CDC14A: variants seen among roughly 807,000 people sequenced by gnomAD.
CDC14A encodes dual specificity protein phosphatase CDC14A.
In CDC14A, 53 loss-of-function variants were observed where a neutral mutation model predicts 74.4. The observed-to-expected ratio is 0.71, with a 90% CI of 0.57 to 0.89. CDC14A has a LOEUF of 0.89. Among genes scored for constraint, CDC14A ranks in the 40% least tolerant of loss-of-function variants. The pLI is 0.00. For synonymous variants in CDC14A, 247 were observed against 258.4 expected (o/e 0.96, Z 0.43); for missense variants, 646 against 713.7 (o/e 0.91, Z 1.08).
intron 2 of CDC14A, among the ~76,000 whole-genome samples, chr1:100,366,796 A>T (rs996658308): frequency 5.3e-5 from 8 of 152,240 alleles, no homozygotes; most frequent in Non-Finnish European, 1.2e-4. Flanking sequence ...GAATAAAAAG[A>T]TGGATGGACC....
intron 13 of CDC14A, among the ~76,000 whole-genome samples, chr1:100,496,357 A>T (rs74104805): frequency 2.6e-3 from 389 of 151,916 alleles, no homozygotes; most frequent in African/African-American, 9.1e-3. Flanking sequence ...TCTCCTTTTG[A>T]TCTAGTGATA....
chr1:100,374,502 C>G (rs947992701), intron 2 of CDC14A, among the ~76,000 whole-genome samples: 8 of 152,210 alleles, frequency 5.3e-5, no homozygotes. Context: ...GCCATTCTAA[C>G]TGGTGTGAGA....
At chr1:100,346,634 A>G (rs570337351) in intron 1 of CDC14A, among the ~76,000 whole-genome samples, 1 of 148,082 alleles carries the variant, frequency 6.8e-6, no homozygotes, top group South Asian at 2.1e-4. Context: ...TCTGTCTCAA[A>G]AAAAAAAAAA....
Position 100,397,031 on chromosome 1 carries a change from A to ATT in CDC14A, c.309+6220_309+6221dup, listed in dbSNP as rs200147704. ...ATAAACGTTCTTAAAACATTATGAG[A>ATT]TTTTTTTTTTTTTTAAAGCTCATCA... is the stretch of plus-strand genomic sequence containing the variant. On this transcript the variant is annotated intron_variant, in intron 4 of 15. Transcript: ENST00000336454. Among the ~76,000 whole-genome samples the ATT allele has an allele frequency of 1.0e-4, 15 of 146,718 alleles. No individual in the cohort carries two copies. The East Asian group carries it at 1.6e-3, about 16-fold the overall frequency.
At chr1:100,372,879 T>C (rs2100933659) in intron 2 of CDC14A, among the ~76,000 whole-genome samples, 1 of 152,348 alleles carries the variant, frequency 6.6e-6, no homozygotes, top group Admixed American at 6.5e-5. Flanking sequence ...ATTAGGGCCT[T>C]GCTTTGGATG....
intron 15 of CDC14A, among the ~76,000 whole-genome samples, chr1:100,502,829 G>A (rs993868459): frequency 3.3e-5 from 5 of 151,936 alleles, no homozygotes; most frequent in Admixed American, 2.0e-4. Context: ...CCTCCTCCTC[G>A]TCCCTCTTCT....
chr1:100,504,199 A>C (rs1649032046), intron 15 of CDC14A, among the ~76,000 whole-genome samples: 1 of 152,238 alleles, frequency 6.6e-6, no homozygotes, highest in Non-Finnish European at 1.5e-5. Context: ...AAAACTATAC[A>C]AATAAGTGAA....
chr1:100,515,025 T>C (rs191913268), intron 15 of CDC14A, among the ~76,000 whole-genome samples: 85 of 152,366 alleles, frequency 5.6e-4, no homozygotes, highest in Admixed American at 1.3e-3. Context: ...TTGTATATAG[T>C]TGGTAGTCCT....
At chr1:100,498,421 A>G (rs190641150) in intron 14 of CDC14A, among the ~76,000 whole-genome samples, 2 of 152,350 alleles carry the variant, frequency 1.3e-5, no homozygotes, top group Non-Finnish European at 2.9e-5. Context: ...CTCTTCTTCT[A>G]GAGAGTGAGC....
rs988791627 is a variant in CDC14A, at chr1:100,429,753, ATATT to A, written c.389+5453_389+5456del. Among the ~76,000 whole-genome samples the A allele has an allele frequency of 6.8e-5, 10 of 147,758 alleles. No individual in the cohort carries two copies. In the Admixed American group the frequency reaches 6.8e-4, roughly 10 times the overall value. ...ATATATATCAAGTATATTTATATAT[ATATT>A]ATATATATATCAAGTGTGTATATAT... On this transcript the variant is annotated intron_variant, in intron 5 of 15. Transcript: ENST00000336454.
intron 2 of CDC14A, among the ~76,000 whole-genome samples, chr1:100,361,737 C>A (rs527972247): frequency 3.9e-5 from 6 of 152,302 alleles, no homozygotes; most frequent in Admixed American, 2.6e-4. Context: ...CAGCAGCAGT[C>A]ACTTAGTTGG....
chr1:100,418,843 A>G (rs978991363), intron 4 of CDC14A, among the ~76,000 whole-genome samples: 1 of 152,138 alleles, frequency 6.6e-6, no homozygotes, highest in Admixed American at 6.6e-5. Context: ...TTGCTCCCCA[A>G]ATGATGTGTT....
chr1:100,413,920 C>T (rs1661193501), intron 4 of CDC14A, among the ~76,000 whole-genome samples: 1 of 152,086 alleles, frequency 6.6e-6, no homozygotes, highest in South Asian at 2.1e-4. Context: ...TAGATGTATT[C>T]CTTGATTTCT....
intron 4 of CDC14A, among the ~76,000 whole-genome samples, chr1:100,408,715 C>T (rs755787869): frequency 1.3e-5 from 2 of 152,046 alleles, no homozygotes; most frequent in African/African-American, 4.8e-5. Context: ...GCATGTATGT[C>T]GTCTTTTGAA....
At chr1:100,377,967 C>G (rs1655523267) in intron 3 of CDC14A, among the ~76,000 whole-genome samples, 1 of 150,630 alleles carries the variant, frequency 6.6e-6, no homozygotes, top group Admixed American at 6.6e-5. Context: ...CCTGTAGACC[C>G]TGTTTCCAAG....
Position 100,352,658 on chromosome 1 carries a change from C to A in CDC14A, c.-297C>A. 1 of 1,273,012 alleles carries A rather than the reference C, an allele frequency of 7.9e-7. No individual in the cohort carries two copies. Among genetic ancestry groups the A allele is most frequent in the Non-Finnish European group, 9.9e-7 (1 of 1,008,810 alleles). The allele number at this position is 1,273,012 out of a possible 1,614,324, so 78.9% of individuals were successfully genotyped here. On this transcript the variant is annotated 5_prime_UTR_variant, in exon 1 of 16. Coordinates refer to ENST00000336454, the MANE Select transcript of CDC14A (RefSeq NM_003672.4). ...GCCCTGAGAGCTGGTCTGCGTTTCC[C>A]AGGCGCGGCGGCGGCGGAGCAGCAG...
rs371971815 is a variant in CDC14A at position 100,487,529 on chromosome 1, C to T, written c.1137+3078C>T. Among the ~76,000 whole-genome samples the T allele has an allele frequency of 3.3e-5, 5 of 152,040 alleles. No individual in the cohort carries two copies. In the East Asian group the frequency reaches 7.7e-4, roughly 24 times the overall value. Reference sequence around the variant, plus strand: ...GAGCTGAGATCATGCCACTGCACTCCAGCCTGGGCAACAGAGTGAGACTCG... The same window carrying T: ...GAGCTGAGATCATGCCACTGCACTCTAGCCTGGGCAACAGAGTGAGACTCG... On this transcript the variant is annotated intron_variant, in intron 11 of 15. Coordinates refer to ENST00000336454, the MANE Select transcript of CDC14A (RefSeq NM_003672.4).
chr1:100,416,093 G>A (rs1004995164), intron 4 of CDC14A, among the ~76,000 whole-genome samples: 2 of 152,172 alleles, frequency 1.3e-5, no homozygotes, highest in African/African-American at 4.8e-5. Flanking sequence ...GGGAGCCAAG[G>A]AAGAGACTTT....
At chr1:100,435,567 G>A (rs945370286) in intron 5 of CDC14A, among the ~76,000 whole-genome samples, 5 of 152,250 alleles carry the variant, frequency 3.3e-5, no homozygotes, top group East Asian at 1.9e-4. Flanking sequence ...GGTGGCTCAC[G>A]CCTGTAATCC....
Sources: gnomAD v4.1 joint callset for allele counts (sites outside exome capture counted in the v4.1 genomes callset) on GRCh38, gnomAD v4.1.1 for gene constraint, MANE v1.5 for transcripts, NCBI Gene and HGNC (gene_info 2026-07-23, HGNC 2026-07-21) for gene names.